Variants in UGT1A8 observed in about 807,000 individuals in gnomAD.
UGT1A8 encodes the protein UDP-glucuronosyltransferase 1A8.
A neutral mutation model predicts 45.3 loss-of-function variants in UGT1A8; 39 were observed. That is an observed-to-expected ratio of 0.86 (90% CI 0.67 to 1.12). The LOEUF (loss-of-function observed/expected upper bound fraction) is 1.12. UGT1A8 is among the 50% of genes most tolerant of loss of function. The pLI, the probability that UGT1A8 is intolerant of heterozygous loss-of-function variation, is 0.00. For synonymous variants in UGT1A8, 275 were observed against 249.2 expected (o/e 1.10, Z -0.97); for missense variants, 719 against 664.9 (o/e 1.08, Z -0.90).
intron 1 of UGT1A8, among the ~76,000 whole-genome samples, chr2:233,654,983 C>T (rs371368105): frequency 3.3e-5 from 5 of 151,892 alleles, no homozygotes; most frequent in Non-Finnish European, 5.9e-5. Context: ...CATAGCTACT[C>T]GAGTCTGAGG....
Position 233,713,643 on chromosome 2 carries a change from C to G in UGT1A8, c.856-53391C>G, listed in dbSNP as rs149715967. On this transcript the variant is annotated intron_variant, in intron 1 of 4. Transcript: ENST00000373450. ...AAGGGTCAAGAACATGCTCTACCCTCTGGCCCTGTCCTACCTTTGCCATGC... is the reference window on the plus strand; with the variant it reads ...AAGGGTCAAGAACATGCTCTACCCTGTGGCCCTGTCCTACCTTTGCCATGC... 717 of 1,613,992 alleles carry G rather than the reference C, an allele frequency of 4.4e-4. 2 individuals are homozygous for G. The highest frequency in any genetic ancestry group is 1.7e-3 in the South Asian group (154 of 91,058).
At chr2:233,674,447 C>T (rs895905292) in intron 1 of UGT1A8, among the ~76,000 whole-genome samples, 11 of 152,136 alleles carry the variant, frequency 7.2e-5, no homozygotes, top group African/African-American at 2.7e-4. Context: ...GTGTTGCCTG[C>T]ACCCCACAAC....
chr2:233,667,648 T>A (rs529297804), intron 1 of UGT1A8, among the ~76,000 whole-genome samples: 21 of 152,282 alleles, frequency 1.4e-4, no homozygotes, highest in African/African-American at 5.1e-4. Flanking sequence ...AAAGGGCTAA[T>A]ATCCAGAATC....
intron 1 of UGT1A8, chr2:233,693,903 TC>T: frequency 6.2e-7 from 1 of 1,613,478 alleles, no homozygotes; most frequent in Non-Finnish European, 8.5e-7. Flanking sequence ...CCTTGTTTCT[TC>T]CAGGCTCTGT....
At chr2:233,719,240 C>A in intron 1 of UGT1A8, 8 of 1,614,156 alleles carry the variant, frequency 5.0e-6, no homozygotes, top group African/African-American at 1.3e-5. Flanking sequence ...TGATCAGGCA[C>A]CTGAATGCTA....
chr2:233,697,132 GTA>G (rs1456349990), intron 1 of UGT1A8, among the ~76,000 whole-genome samples: 3 of 151,950 alleles, frequency 2.0e-5, no homozygotes, highest in African/African-American at 7.3e-5. Flanking sequence ...TCATTTTTCT[GTA>G]ATAGTTTGAG....
At chr2:233,770,661 TAAAAA>T (rs112650156) in intron 4 of UGT1A8, 1 of 137,296 alleles carries the variant, frequency 7.3e-6, no homozygotes, top group Non-Finnish European at 1.6e-5. Flanking sequence ...CCGTCTTACT[TAAAAA>T]AAAAAAAAAG....
intron 1 of UGT1A8, chr2:233,671,799 A>G: frequency 7.2e-7 from 1 of 1,396,000 alleles, no homozygotes; most frequent in South Asian, 1.7e-5. Flanking sequence ...AATCATTGTC[A>G]GTGACTGATT....
intron 1 of UGT1A8, among the ~76,000 whole-genome samples, chr2:233,657,881 A>G (rs7570783): frequency 7.9e-5 from 12 of 152,070 alleles, no homozygotes; most frequent in African/African-American, 2.4e-4. Context: ...AGTTATTTAT[A>G]TATTCTGGAT....
At chr2:233,631,969 T>C (rs973233383) in intron 1 of UGT1A8, among the ~76,000 whole-genome samples, 17 of 152,340 alleles carry the variant, frequency 1.1e-4, no homozygotes, top group Admixed American at 1.1e-3. Context: ...TGGTTTTAGG[T>C]CTTATGTTTA....
At chr2:233,716,567 A>G (rs181280282) in intron 1 of UGT1A8, among the ~76,000 whole-genome samples, 81 of 152,206 alleles carry the variant, frequency 5.3e-4, no homozygotes, top group Admixed American at 1.1e-3. Context: ...TTCATTTTTT[A>G]AAAACAATAC....
intron 1 of UGT1A8, chr2:233,672,354 T>C: frequency 6.2e-7 from 1 of 1,614,022 alleles, no homozygotes; most frequent in Non-Finnish European, 8.5e-7. Context: ...TAAAGGAGAG[T>C]TCTTTTGATG....
chr2:233,740,858 A>G (rs1691488527), intron 1 of UGT1A8: 1 of 151,872 alleles, frequency 6.6e-6, no homozygotes, highest in Non-Finnish European at 1.5e-5. Flanking sequence ...CAATTCTAAA[A>G]ATTCTTTAAA....
intron 1 of UGT1A8, among the ~76,000 whole-genome samples, chr2:233,636,073 T>C (rs1259030816): frequency 1.3e-5 from 2 of 151,032 alleles, no homozygotes; most frequent in Non-Finnish European, 2.9e-5. Flanking sequence ...AGCCTTGCTG[T>C]CTTTCCCTGG....
At chr2:233,729,659 G>A in intron 1 of UGT1A8, 1 of 1,613,886 alleles carries the variant, frequency 6.2e-7, no homozygotes, top group Non-Finnish European at 8.5e-7. Context: ...AACATTCCAT[G>A]TGATTTAGAC....
chr2:233,713,742 C>T lies in UGT1A8; in HGVS notation c.856-53292C>T, dbSNP rs138898755. 43 of 1,613,022 alleles carry T rather than the reference C, an allele frequency of 2.7e-5. No individual in the cohort carries two copies. The Middle Eastern group carries it at 5.0e-4, about 19-fold the overall frequency. On this transcript the variant is annotated intron_variant, in intron 1 of 4. Transcript: ENST00000373450. ...GGTGTCAGTGGTGGATCTTGTCAGC[C>T]ATGCATCTGTGTGGCTGTTCCGAGG...
intron 1 of UGT1A8, among the ~76,000 whole-genome samples, chr2:233,735,766 T>C (rs2078690573): frequency 1.3e-5 from 2 of 152,218 alleles, no homozygotes; most frequent in African/African-American, 4.8e-5. Flanking sequence ...CCTTCACTTA[T>C]GAAGCTTACT....
intron 1 of UGT1A8, among the ~76,000 whole-genome samples, chr2:233,684,812 A>G (rs1054910141): frequency 6.6e-6 from 1 of 152,200 alleles, no homozygotes; most frequent in Admixed American, 6.5e-5. Context: ...TCAACCACAA[A>G]AGTAAATTGT....
chr2:233,677,727 T>A (rs2074397652), intron 1 of UGT1A8, among the ~76,000 whole-genome samples: 1 of 152,110 alleles, frequency 6.6e-6, no homozygotes, highest in Non-Finnish European at 1.5e-5. Flanking sequence ...ACCCTCTTGG[T>A]GGGAATGCAA....
Sources: gnomAD v4.1 joint callset for allele counts (sites outside exome capture counted in the v4.1 genomes callset) on GRCh38, gnomAD v4.1.1 for gene constraint, MANE v1.5 for transcripts, NCBI Gene and HGNC (gene_info 2026-07-23, HGNC 2026-07-21) for gene names.